PSMC6: variants seen among roughly 807,000 people sequenced by gnomAD.
PSMC6 encodes proteasome 26S subunit, ATPase 6.
A neutral mutation model predicts 55.9 loss-of-function variants in PSMC6; 3 were observed. The observed-to-expected ratio is 0.05, with a 90% CI of 0.02 to 0.14. The LOEUF (loss-of-function observed/expected upper bound fraction) is 0.14, where lower values mean the gene tolerates loss of function less well. Among genes scored for constraint, PSMC6 ranks in the 10% least tolerant of loss-of-function variants. PSMC6 has a pLI of 1.00. For missense variants in PSMC6, 210 were observed against 478.7 expected, an observed-to-expected ratio of 0.44 and a Z score of 5.24; for synonymous variants, 137 against 155.9, an observed-to-expected ratio of 0.88 and a Z score of 0.90.
rs372942773 is a variant in PSMC6 at position 52,711,807 on chromosome 14, G to T, written c.441+283G>T. Among the ~76,000 whole-genome samples the T allele has an allele frequency of 9.2e-5, 14 of 152,246 alleles. No homozygotes were observed. The East Asian group carries it at 2.7e-3, about 29-fold the overall frequency. ...AATAATTGATGTAATCTGATATCCT[G>T]TGGTTTTGATTATCATAATAAGTTA... On this transcript the variant is annotated intron_variant, in intron 6 of 13. Coordinates refer to ENST00000445930, the MANE Select transcript of PSMC6 (RefSeq NM_002806.5).
At chr14:52,708,931 A>G in intron 4 of PSMC6, 115 bp downstream of exon 4, 1 of 1,468,204 alleles carries the variant, frequency 6.8e-7, no homozygotes, top group South Asian at 1.3e-5. Flanking sequence ...ACTCACAAGG[A>G]TGATTTGTTC....
At chr14:52,708,656 C>T in intron 3 of PSMC6, 108 bp from the exon 4 acceptor site, 2 of 1,549,672 alleles carry the variant, frequency 1.3e-6, no homozygotes, top group Non-Finnish European at 1.8e-6. Flanking sequence ...TTTCCTTCAA[C>T]TAATGTCTCC....
At chr14:52,711,008 A>G in intron 4 of PSMC6, 93 bp from the exon 5 acceptor site, 1 of 811,288 alleles carries the variant, frequency 1.2e-6, no homozygotes, top group Non-Finnish European at 2.1e-6. Flanking sequence ...TGGAGGGTAA[A>G]AATGAGTGTT....
At chr14:52,707,378 G>C (rs987164465) in intron 1 of PSMC6, 74 bp downstream of exon 1, 1 of 1,581,442 alleles carries the variant, frequency 6.3e-7, no homozygotes, top group Non-Finnish European at 8.6e-7. Flanking sequence ...GAAGCCTTTC[G>C]CCGAGCCCGG....
chr14:52,724,114 G>A, intron 13 of PSMC6, 78 bp downstream of exon 13: 1 of 1,336,970 alleles, frequency 7.5e-7, no homozygotes, highest in East Asian at 2.3e-5. Flanking sequence ...TTATCTGAAA[G>A]CGGAGCATAG....
intron 3 of PSMC6, 47 bp downstream of exon 3, chr14:52,708,569 C>T: frequency 1.3e-6 from 2 of 1,579,062 alleles, no homozygotes; most frequent in African/African-American, 1.4e-5. Context: ...CAGTCCACCT[C>T]TCTCTCACTT....
At chr14:52,708,251 G>A (rs1330405280) in intron 1 of PSMC6, 58 bp from the exon 2 acceptor site, 2 of 1,428,166 alleles carry the variant, frequency 1.4e-6, no homozygotes, top group Non-Finnish European at 2.0e-6. Context: ...GAGACGTAGC[G>A]ACTTAAACAC....
intron 9 of PSMC6, 73 bp from the exon 10 acceptor site, chr14:52,718,904 T>C (rs976218818): frequency 5.2e-6 from 6 of 1,147,662 alleles, no homozygotes; most frequent in South Asian, 2.6e-5. Context: ...CAGACTGTTA[T>C]GTTCTGTTTT....
chr14:52,707,698 C>T (rs1280692882), intron 1 of PSMC6, among the ~76,000 whole-genome samples: 1 of 152,132 alleles, frequency 6.6e-6, no homozygotes, highest in Non-Finnish European at 1.5e-5. Flanking sequence ...TCGGCTTGTT[C>T]TTGGAGTCGA....
At chr14:52,715,446 G>A (rs1016811510) in intron 7 of PSMC6, among the ~76,000 whole-genome samples, 5 of 152,020 alleles carry the variant, frequency 3.3e-5, no homozygotes, top group Admixed American at 2.6e-4. Context: ...ACTGGTTTTT[G>A]GTTATTTGGC....
In PSMC6 at chr14:52,711,444, A is replaced by G; in HGVS notation, c.361A>G (p.Asn121Asp). ...LPREVDPLVY[N>D]MSHEDPGNVS... ...GAGAGAGGTGGATCCACTGGTTTATAACATGTCTCATGAGGACCCTGGGAA... is the reference window on the plus strand; with the variant it reads ...GAGAGAGGTGGATCCACTGGTTTATGACATGTCTCATGAGGACCCTGGGAA... Residue 121 changes from asparagine (N) to aspartate (D), a missense_variant, in exon 6 of 14, where the codon AAC becomes GAC. Transcript: ENST00000445930. 1 of 1,612,572 alleles carries G rather than the reference A, an allele frequency of 6.2e-7. No individual in the cohort carries two copies. Among genetic ancestry groups the G allele is most frequent in the Non-Finnish European group, 8.5e-7 (1 of 1,178,856 alleles).
chr14:52,714,114 A>G (rs1212055086), intron 7 of PSMC6, 146 bp downstream of exon 7: 1 of 481,332 alleles, frequency 2.1e-6, no homozygotes, highest in Non-Finnish European at 3.6e-6. Flanking sequence ...AATCTGGGCT[A>G]ACTGCAACCT....
At position 52,727,510 on chromosome 14, in the gene PSMC6, A is replaced by G; in HGVS notation, c.1063A>G (p.Ile355Val). 1.2e-6 allele frequency: 2 copies of G among 1,611,148 alleles called. No homozygotes were observed. The highest frequency in any genetic ancestry group is 1.7e-6 in the Non-Finnish European group (2 of 1,178,844). The change falls in exon 14 of 14, where the codon ATT becomes GTT. Residue 355 changes from isoleucine to valine, a missense_variant. Physicochemically the swap from Ile to Val is conservative, Grantham distance 29. This residue lies in a region of PSMC6 where 79 missense variants were observed against 158.7 expected (regional missense o/e 0.50). Coordinates refer to ENST00000445930, the MANE Select transcript of PSMC6 (RefSeq NM_002806.5). ...NVCTEAGMFA[I>V]RADHDFVVQE... ...TTTATTCTCTACAGGTATGTTCGCA[A>G]TTCGTGCTGATCATGATTTTGTAGT... is the stretch of plus-strand genomic sequence containing the variant.
intron 13 of PSMC6, among the ~76,000 whole-genome samples, chr14:52,725,749 A>C (rs10136643): frequency 6.6e-6 from 1 of 152,142 alleles, no homozygotes; most frequent in African/African-American, 2.4e-5. Flanking sequence ...TCCTGGGCCC[A>C]AGTAATCCAC....
Position 52,718,218 on chromosome 14 carries a change from C to T in PSMC6, c.592-11C>T. The T allele has an allele frequency of 6.2e-7, 1 of 1,610,990 alleles. No individual in the cohort carries two copies. Among genetic ancestry groups the T allele is most frequent in the Non-Finnish European group, 8.5e-7 (1 of 1,177,396 alleles). On this transcript the variant is annotated splice_polypyrimidine_tract_variant and intron_variant, in intron 8 of 13. Transcript: ENST00000445930. ...ATCTTATATTTACCTTACTGTTTTT[C>T]CTTTAATCAGGTTGTATCTAGTTCT...
intron 1 of PSMC6, 91 bp from the exon 2 acceptor site, chr14:52,708,218 T>G: frequency 9.2e-7 from 1 of 1,088,856 alleles, no homozygotes; most frequent in Non-Finnish European, 1.4e-6. Flanking sequence ...TAAAGTGAAG[T>G]AGACTTACGT....
Position 52,713,895 on chromosome 14 carries a change from T to C in PSMC6, c.456T>C (p.Pro152=), listed in dbSNP as rs777613064. The C allele has an allele frequency of 6.3e-7, 1 of 1,590,414 alleles. No homozygotes were observed. Among genetic ancestry groups the C allele is most frequent in the Non-Finnish European group, 8.6e-7 (1 of 1,164,132 alleles). Residue 152 remains proline, a synonymous_variant, in exon 7 of 14, where the codon CCT becomes CCC. Transcript: ENST00000445930. ...IRELREVIEL[P]LTNPELFQRV... is the part of the protein sequence containing the mutation. ...TTCTTTTCTAGGTGATAGAATTACCTCTTACAAACCCAGAGTTATTTCAGC... is the reference window on the plus strand; with the variant it reads ...TTCTTTTCTAGGTGATAGAATTACCCCTTACAAACCCAGAGTTATTTCAGC...
rs2041860177 is a variant in PSMC6, at chr14:52,718,945, A to G, written c.716-32A>G. Reference sequence around the variant, plus strand: ...ATGATGGTTGTAGAGGAAAAGAGTAATGCATATAAATTTCCAAATCTACTA... The same window carrying G: ...ATGATGGTTGTAGAGGAAAAGAGTAGTGCATATAAATTTCCAAATCTACTA... On this transcript the variant is annotated intron_variant, in intron 9 of 13. Transcript: ENST00000445930. 2.6e-6 allele frequency: 4 copies of G among 1,513,118 alleles called. No homozygotes were observed. In the Admixed American group the frequency reaches 6.8e-5, roughly 26 times the overall value. 93.7% of individuals were successfully genotyped at this position (1,513,118 alleles called of 1,614,324 possible).
At chr14:52,724,634 G>A (rs983714634) in intron 13 of PSMC6, among the ~76,000 whole-genome samples, 1 of 152,170 alleles carries the variant, frequency 6.6e-6, no homozygotes, top group Non-Finnish European at 1.5e-5. Context: ...TGTGTAAAAT[G>A]TAGTATTTAA....
Sources: gnomAD v4.1 joint callset for allele counts (sites outside exome capture counted in the v4.1 genomes callset) on GRCh38, gnomAD v4.1.1 for gene constraint, gnomAD v4.1.1 regional missense constraint, MANE v1.5 for transcripts, NCBI Gene and HGNC (gene_info 2026-07-23, HGNC 2026-07-21) for gene names.